The following FHAD1 variants were observed in gnomAD, a reference collection of about 807,000 sequenced individuals.
FHAD1 encodes forkhead-associated domain-containing protein 1.
FHAD1 carries 146 observed loss-of-function variants against 191.3 expected under a neutral mutation model. That is an observed-to-expected ratio of 0.76 (90% CI 0.67 to 0.88). FHAD1 has a LOEUF of 0.88. FHAD1 is among the 40% of genes least tolerant of loss of function. The probability of loss-of-function intolerance (pLI) is 0.00; values close to 1 mark genes in which losing one functional copy is unlikely to be tolerated. For synonymous variants in FHAD1, 616 were observed against 672.3 expected (o/e 0.92, Z 1.29); for missense variants, 1,635 against 1,785.8 (o/e 0.92, Z 1.52).
At chr1:15,351,907 T>C (rs1691042914) in intron 19 of FHAD1, among the ~76,000 whole-genome samples, 1 of 152,070 alleles carries the variant, frequency 6.6e-6, no homozygotes, top group African/African-American at 2.4e-5. Context: ...ACCGGGAACA[T>C]TGGGAACATT....
At chr1:15,330,521 T>C (rs1680807788) in intron 14 of FHAD1, among the ~76,000 whole-genome samples, 1 of 152,164 alleles carries the variant, frequency 6.6e-6, no homozygotes, top group Non-Finnish European at 1.5e-5. Flanking sequence ...GCTTATGGTC[T>C]CAGGGGGAAG....
intron 10 of FHAD1, 87 bp from the exon 11 acceptor site, chr1:15,324,365 C>T: frequency 9.3e-7 from 1 of 1,077,690 alleles, no homozygotes; most frequent in Non-Finnish European, 1.4e-6. Flanking sequence ...TGGGACCCCC[C>T]ACGGCCATTA....
intron 20 of FHAD1, among the ~76,000 whole-genome samples, chr1:15,357,353 C>T (rs1327732635): frequency 5.9e-5 from 9 of 152,174 alleles, no homozygotes; most frequent in African/African-American, 1.4e-4. Context: ...GGGCCAGGCG[C>T]GTTGGCACAC....
intron 1 of FHAD1, among the ~76,000 whole-genome samples, chr1:15,241,258 T>G (rs1364990892): frequency 6.6e-6 from 1 of 152,176 alleles, no homozygotes; most frequent in Non-Finnish European, 1.5e-5. Context: ...AGAGACATGC[T>G]TGACTTTGGG....
chr1:15,242,931 T>C (rs1645560589), upstream of FHAD1, among the ~76,000 whole-genome samples: 1 of 152,166 alleles, frequency 6.6e-6, no homozygotes, highest in Non-Finnish European at 1.5e-5. Flanking sequence ...TGGATTGTTG[T>C]ATACCCATTT....
chr1:15,345,798 G>A (rs371931747), intron 18 of FHAD1, among the ~76,000 whole-genome samples: 8 of 152,256 alleles, frequency 5.3e-5, no homozygotes, highest in African/African-American at 1.7e-4. Flanking sequence ...ATGGTGACAT[G>A]GGCGTCTTCT....
chr1:15,380,937 C>T, intron 29 of FHAD1, 141 bp downstream of exon 29: 1 of 664,070 alleles, frequency 1.5e-6, no homozygotes, highest in East Asian at 2.7e-5. Context: ...ACCTACTATC[C>T]CAGCATGGGT....
chr1:15,381,953 C>A lies in FHAD1; in HGVS notation c.4023-75C>A. 6.7e-7 allele frequency: 1 copy of A among 1,496,290 alleles called. No individual in the cohort carries two copies. The highest frequency in any genetic ancestry group is 1.3e-5 in the South Asian group (1 of 77,722). 92.7% of individuals were successfully genotyped at this position (1,496,290 alleles called of 1,614,324 possible). A position where few individuals can be genotyped will look rare whatever the true frequency, so the allele number is the denominator to read the frequency against. On this transcript the variant is annotated intron_variant, in intron 30 of 33. Transcript: ENST00000688493. This position sits in a 1 kb window ranked among gnomAD's most constrained non-coding sequence, Gnocchi z 4.6. ...CCCACTGTGGATGTATTTTGAGAGA[C>A]TTCCGGGTCTGGCACATTGATGATG...
chr1:15,382,313 G>C, intron 31 of FHAD1, 120 bp downstream of exon 31: 1 of 976,024 alleles, frequency 1.0e-6, no homozygotes, highest in Non-Finnish European at 1.5e-6. Flanking sequence ...GATGCAAAGG[G>C]AGGCAACTGG....
chr1:15,318,589 G>A lies in FHAD1; in HGVS notation c.1365+661G>A, dbSNP rs1182421812. 6.6e-6 allele frequency among the ~76,000 whole-genome samples: 1 copy of A among 151,952 alleles called. No individual in the cohort carries two copies. The highest frequency in any genetic ancestry group is 1.5e-5 in the Non-Finnish European group (1 of 67,998). ...GTGGAGGTTGCAGCAAGCTGAGATC[G>A]TGCCACCGCACTCCAGCCTGGGCGA... On this transcript the variant is annotated intron_variant, in intron 10 of 33. Coordinates refer to ENST00000688493, the MANE Select transcript of FHAD1 (RefSeq NM_001391957.1). The surrounding 1 kb of genome is among the most constrained non-coding windows in gnomAD (Gnocchi z 4.1).
At position 15,312,310 on chromosome 1, in the gene FHAD1, T is replaced by C. The variant is rs1167772070; in HGVS notation, c.1040-747T>C. The C allele has an allele frequency of 6.6e-6, 1 of 152,252 alleles. No homozygotes were observed. Among genetic ancestry groups the C allele is most frequent in the African/African-American group, 2.4e-5 (1 of 41,462 alleles). The allele number at this position is 152,252 out of a possible 1,614,324, so 9.4% of individuals were successfully genotyped here. A position where few individuals can be genotyped will look rare whatever the true frequency, so the allele number is the denominator to read the frequency against. On this transcript the variant is annotated intron_variant, in intron 7 of 33. Transcript: ENST00000688493. This position sits in a 1 kb window ranked among gnomAD's most constrained non-coding sequence, Gnocchi z 4.7. ...AATAAACACTATGTGTTAGCCACTCTACTATGTTCTTTATACAACTCTGTA... is the reference window on the plus strand; with the variant it reads ...AATAAACACTATGTGTTAGCCACTCCACTATGTTCTTTATACAACTCTGTA...
Position 15,362,744 on chromosome 1 carries a change from T to G in FHAD1, c.3047+18T>G, listed in dbSNP as rs1293654628. The G allele has an allele frequency of 1.9e-6, 3 of 1,544,608 alleles. No homozygotes were observed. The highest frequency in any genetic ancestry group is 4.9e-5 in the East Asian group (2 of 40,888). ...CATCTGATGTGAGTACCCGTGGGTG[T>G]GTGAGCGCCAGGCATTCTCACCGGC... On this transcript the variant is annotated intron_variant, in intron 23 of 33. Coordinates refer to ENST00000688493, the MANE Select transcript of FHAD1 (RefSeq NM_001391957.1).
At chr1:15,241,196 A>G (rs1183846037) in intron 1 of FHAD1, among the ~76,000 whole-genome samples, 1 of 152,192 alleles carries the variant, frequency 6.6e-6, no homozygotes, top group Non-Finnish European at 1.5e-5. Context: ...TTGATAACCA[A>G]TACAATGGAA....
chr1:15,383,561 T>G (rs1411370902), intron 31 of FHAD1: 2 of 333,726 alleles, frequency 6.0e-6, no homozygotes, highest in East Asian at 1.5e-4. Context: ...CATCCACTCC[T>G]GCAGTCCACA....
At chr1:15,341,118 G>T (rs1403766502) in intron 15 of FHAD1, among the ~76,000 whole-genome samples, 1 of 152,136 alleles carries the variant, frequency 6.6e-6, no homozygotes, top group African/African-American at 2.4e-5. Flanking sequence ...GGAGGCAGAG[G>T]TTGCGGGGAA....
intron 28 of FHAD1, among the ~76,000 whole-genome samples, chr1:15,380,073 AAGG>A (rs1382297603): frequency 6.6e-6 from 1 of 152,136 alleles, no homozygotes; most frequent in Admixed American, 6.5e-5. Context: ...CCTTTAATAA[AAGG>A]AGGGGGGATG....
intron 2 of FHAD1, among the ~76,000 whole-genome samples, chr1:15,263,988 T>C (rs1430291064): frequency 6.6e-6 from 1 of 152,240 alleles, no homozygotes. Context: ...TCACTGTCTA[T>C]GTGTCTGGCA....
chr1:15,383,861 G>C (rs1238480445), intron 31 of FHAD1: 2 of 447,760 alleles, frequency 4.5e-6, no homozygotes, highest in Admixed American at 4.8e-5. Context: ...CACAGCGGCT[G>C]GTAAGGACAG....
At chr1:15,261,758 G>T (rs1010489002) in intron 2 of FHAD1, among the ~76,000 whole-genome samples, 15 of 152,254 alleles carry the variant, frequency 9.9e-5, no homozygotes, top group African/African-American at 3.6e-4. Context: ...ACCCCAGCTT[G>T]TTCTGTTTCT....
Sources: allele counts gnomAD v4.1 joint callset (sites outside exome capture counted in the v4.1 genomes callset), GRCh38; gene constraint gnomAD v4.1.1; non-coding constraint Gnocchi (gnomAD v3.1); transcripts MANE v1.5; gene names NCBI Gene and HGNC (gene_info 2026-07-23, HGNC 2026-07-21).